Variants in TENM2 observed in about 807,000 individuals in gnomAD.
The protein encoded by TENM2 is teneurin-2.
Under a neutral mutation model 245.2 loss-of-function variants are expected in TENM2, and 52 were observed. That is an observed-to-expected ratio of 0.21 (90% CI 0.17 to 0.27). The LOEUF (loss-of-function observed/expected upper bound fraction) is 0.27, where lower values mean the gene tolerates loss of function less well. TENM2 is among the 10% of genes least tolerant of loss of function. The pLI, the probability that TENM2 is intolerant of heterozygous loss-of-function variation, is 1.00. For synonymous variants in TENM2, 1,363 were observed against 1,438.9 expected, an observed-to-expected ratio of 0.95 and a Z score of 1.19; for missense variants, 3,046 against 3,666.8, an observed-to-expected ratio of 0.83 and a Z score of 4.37.
chr5:168,020,135 G>A (rs540648250), intron 5 of TENM2, among the ~76,000 whole-genome samples: 2 of 152,258 alleles, frequency 1.3e-5, no homozygotes, highest in South Asian at 2.1e-4. Flanking sequence ...AGAGAATGTC[G>A]AGGATGTAGG....
chr5:167,505,211 T>G (rs1240508359), intron 2 of TENM2, among the ~76,000 whole-genome samples: 2 of 152,212 alleles, frequency 1.3e-5, no homozygotes, highest in African/African-American at 2.4e-5. Flanking sequence ...TGTTTGATAT[T>G]CAAACCGATG....
the TENM2 span, among the ~76,000 whole-genome samples, chr5:167,008,803 C>T: frequency 2.6e-5 from 4 of 152,092 alleles, no homozygotes; most frequent in Non-Finnish European, 4.4e-5. Flanking sequence ...AGCGTATCGA[C>T]GTACACATTT....
chr5:167,841,781 T>C lies in TENM2; in HGVS notation c.503-34205T>C, dbSNP rs1417506229. On this transcript the variant is annotated intron_variant, in intron 2 of 28. Coordinates refer to ENST00000518659, the Ensembl canonical transcript of TENM2. ...CCAGGGTTCATTTCAGGATCACATA[T>C]TGCATTTAGTTATCTTTTCCCTTTC... is the stretch of plus-strand genomic sequence containing the variant. 3.3e-5 allele frequency among the ~76,000 whole-genome samples: 5 copies of C among 152,328 alleles called. No individual in the cohort carries two copies. In the East Asian group the frequency reaches 9.6e-4, roughly 29 times the overall value.
chr5:167,362,968 G>A (rs1227027427), intron 1 of TENM2, among the ~76,000 whole-genome samples: 2 of 152,084 alleles, frequency 1.3e-5, no homozygotes, highest in Admixed American at 1.3e-4. Flanking sequence ...TTTATTGCAT[G>A]TGACCACAAG....
the TENM2 span, among the ~76,000 whole-genome samples, chr5:167,112,273 C>T: frequency 7.2e-5 from 11 of 152,254 alleles, no homozygotes; most frequent in South Asian, 2.1e-4. Context: ...TTTTCACACA[C>T]GGTGGTAAAT....
chr5:167,113,766 A>G, the TENM2 span, among the ~76,000 whole-genome samples: 210 of 152,332 alleles, frequency 1.4e-3, no homozygotes, highest in African/African-American at 4.7e-3. Context: ...ACATATGCAT[A>G]GAAAATTTAT....
At position 168,247,652 on chromosome 5, in the gene TENM2, G is replaced by A; in HGVS notation, c.6713G>A (p.Gly2238Asp). Residue 2238 changes from glycine to aspartate, a missense_variant, in exon 27 of 29, where the codon GGC (glycine) becomes GAC (aspartate). Around this residue, in one of 2 missense-constraint regions of TENM2, gnomAD observed 2,704 missense variants for 3,331.9 expected, o/e 0.81. Transcript: ENST00000518659. This position sits in a 1 kb window ranked among gnomAD's most constrained non-coding sequence, Gnocchi z 7.8. ...GGGAATCTCCACTTACTGAACCCAG[G>A]CAACAGTGTGCGCCTCATGCCCTTG... 6.2e-7 allele frequency: 1 copy of A among 1,613,874 alleles called. No individual in the cohort carries two copies. Among genetic ancestry groups the A allele is most frequent in the Non-Finnish European group, 8.5e-7 (1 of 1,179,894 alleles).
chr5:167,369,439 T>C (rs1760269598), intron 1 of TENM2, among the ~76,000 whole-genome samples: 3 of 138,702 alleles, frequency 2.2e-5, no homozygotes, highest in African/African-American at 8.4e-5. Flanking sequence ...TCTGTGACCT[T>C]TTTGATGAAC....
intron 2 of TENM2, among the ~76,000 whole-genome samples, chr5:167,711,773 T>G (rs1159123027): frequency 6.6e-6 from 1 of 152,190 alleles, no homozygotes; most frequent in Non-Finnish European, 1.5e-5. Context: ...AGTGTGCCTT[T>G]GAATACCAAG....
At chr5:168,091,978 G>A (rs968440720) in intron 8 of TENM2, among the ~76,000 whole-genome samples, 2 of 152,154 alleles carry the variant, frequency 1.3e-5, no homozygotes, top group East Asian at 3.8e-4. Context: ...CAAATAAAAC[G>A]TGTGTGGCAT....
intron 2 of TENM2, among the ~76,000 whole-genome samples, chr5:167,400,565 T>C (rs1359503120): frequency 6.6e-6 from 1 of 151,366 alleles, no homozygotes; most frequent in Non-Finnish European, 1.5e-5. Flanking sequence ...AACGTGAATC[T>C]GGAAATTAAG....
chr5:167,271,938 C>T, the TENM2 span, among the ~76,000 whole-genome samples: 1 of 152,182 alleles, frequency 6.6e-6, no homozygotes, highest in Non-Finnish European at 1.5e-5. Flanking sequence ...CTATCTCCCA[C>T]TTTTGTAGAT....
intron 3 of TENM2, among the ~76,000 whole-genome samples, chr5:167,883,914 A>T (rs1561894683): frequency 6.6e-6 from 1 of 152,212 alleles, no homozygotes; most frequent in Non-Finnish European, 1.5e-5. Flanking sequence ...GGTAGTTTCA[A>T]CAGAAATTAT....
At chr5:167,096,878 A>G in the TENM2 span, among the ~76,000 whole-genome samples, 2 of 152,112 alleles carry the variant, frequency 1.3e-5, no homozygotes, top group African/African-American at 4.8e-5. Context: ...ACATGTGTAG[A>G]CCTGGCCTAA....
At chr5:167,841,052 G>T (rs933251590) in intron 2 of TENM2, among the ~76,000 whole-genome samples, 2 of 131,320 alleles carry the variant, frequency 1.5e-5, no homozygotes, top group South Asian at 5.9e-4. Flanking sequence ...TGTAAAAATT[G>T]TCATCCTCAT....
chr5:167,744,214 A>G (rs1172843660), intron 2 of TENM2, among the ~76,000 whole-genome samples: 1 of 152,176 alleles, frequency 6.6e-6, no homozygotes, highest in Non-Finnish European at 1.5e-5. Flanking sequence ...CTAAGCTCTT[A>G]CGGATTCAGG....
chr5:168,218,411 A>T lies in TENM2; in HGVS notation c.4520A>T (p.Asn1507Ile). 18 of 1,614,038 alleles carry T rather than the reference A, an allele frequency of 1.1e-5. No homozygotes were observed. Among genetic ancestry groups the T allele is most frequent in the Non-Finnish European group, 1.5e-5 (18 of 1,179,894 alleles). The change falls in exon 23 of 29, where the codon AAC (asparagine) becomes ATC (isoleucine). Residue 1507 changes from asparagine (N) to isoleucine (I), a missense_variant. Physicochemically the swap from Asn to Ile is moderately radical, Grantham distance 149. Transcript: ENST00000518659. The surrounding 1 kb of genome is among the most constrained non-coding windows in gnomAD (Gnocchi z 5.2). ...AACCGTCTACGCCAGGTAACAACCAACGGGGAGATCTGCCTTTTAGCTGGG... is the reference window on the plus strand; with the variant it reads ...AACCGTCTACGCCAGGTAACAACCATCGGGGAGATCTGCCTTTTAGCTGGG...
At chr5:167,445,214 G>T (rs937260738) in intron 2 of TENM2, among the ~76,000 whole-genome samples, 2 of 151,366 alleles carry the variant, frequency 1.3e-5, no homozygotes, top group Non-Finnish European at 2.9e-5. Context: ...CAAATGCATT[G>T]TCTAGAGCAT....
chr5:167,773,408 T>C (rs1763531467), intron 2 of TENM2, among the ~76,000 whole-genome samples: 1 of 152,172 alleles, frequency 6.6e-6, no homozygotes, highest in Admixed American at 6.5e-5. Context: ...ATCATCGTTT[T>C]TGTTATGGGG....
Sources: allele counts gnomAD v4.1 joint callset (sites outside exome capture counted in the v4.1 genomes callset), GRCh38; gene constraint gnomAD v4.1.1; regional missense constraint gnomAD v4.1.1; non-coding constraint Gnocchi (gnomAD v3.1); transcripts MANE v1.5; gene names NCBI Gene and HGNC (gene_info 2026-07-23, HGNC 2026-07-21).